FAM171A1: variants seen among roughly 807,000 people sequenced by gnomAD.
The protein encoded by FAM171A1 is protein FAM171A1.
FAM171A1 carries 23 observed loss-of-function variants against 74.9 expected under a neutral mutation model. The observed-to-expected ratio is 0.31, with a 90% confidence interval of 0.22 to 0.44. The LOEUF is 0.44. FAM171A1 is among the 20% of genes least tolerant of loss of function. FAM171A1 has a pLI of 1.00. For missense variants in FAM171A1, 1,162 were observed against 1,159.2 expected, an observed-to-expected ratio of 1.00 and a Z score of -0.03; for synonymous variants, 527 against 505.7, an observed-to-expected ratio of 1.04 and a Z score of -0.57.
chr10:15,344,506 T>A (rs1301325396), intron 1 of FAM171A1, among the ~76,000 whole-genome samples: 1 of 152,172 alleles, frequency 6.6e-6, no homozygotes, highest in Non-Finnish European at 1.5e-5. Flanking sequence ...AACTGCACCA[T>A]TGCACTCCAG....
chr10:15,354,483 G>A (rs1032733095), intron 1 of FAM171A1, among the ~76,000 whole-genome samples: 5 of 151,768 alleles, frequency 3.3e-5, no homozygotes, highest in African/African-American at 7.3e-5. Flanking sequence ...GTGACAGAGC[G>A]AGACCCTGTC....
At position 15,252,246 on chromosome 10, in the gene FAM171A1, C is replaced by T. The variant is rs115376361; in HGVS notation, c.577+2475G>A. ...GAGCTAGAAAGAGAAGATGCTTCTC[C>T]ACTTACTTACAACTCTGGATCCACC... On this transcript the variant is annotated intron_variant, in intron 4 of 7. Transcript: ENST00000378116. Among the ~76,000 whole-genome samples, 751 of 152,268 alleles carry T rather than the reference C, an allele frequency of 4.9e-3. 6 individuals are homozygous for T. The highest frequency in any genetic ancestry group is 0.018 in the African/African-American group (729 of 41,536).
chr10:15,233,226 C>T (rs1288567065), intron 5 of FAM171A1, among the ~76,000 whole-genome samples: 5 of 152,002 alleles, frequency 3.3e-5, no homozygotes, highest in South Asian at 2.1e-4. Context: ...ACCCGGGAGG[C>T]GGAGCTTGCA....
chr10:15,261,058 T>G (rs1004178025), intron 3 of FAM171A1, among the ~76,000 whole-genome samples: 8 of 152,250 alleles, frequency 5.3e-5, no homozygotes, highest in Non-Finnish European at 1.0e-4. Context: ...TCTCTCTTTG[T>G]CTCTTTCTGT....
At chr10:15,307,173 T>C (rs562042846) in intron 1 of FAM171A1, among the ~76,000 whole-genome samples, 36 of 152,296 alleles carry the variant, frequency 2.4e-4, no homozygotes, top group African/African-American at 8.7e-4. Flanking sequence ...TTCAGAAAGT[T>C]GGAATCTGCA....
intron 3 of FAM171A1, among the ~76,000 whole-genome samples, chr10:15,272,688 T>A (rs1445162363): frequency 6.6e-6 from 1 of 152,048 alleles, no homozygotes; most frequent in Non-Finnish European, 1.5e-5. Flanking sequence ...TTATAACAAA[T>A]TGTCTCTCAG....
At position 15,371,117 on chromosome 10, in the gene FAM171A1, G is replaced by T; in HGVS notation, c.-65C>A. ...GCGGGCCGGGCGGCGGCGCGTCACG[G>T]GCGGCCGGGCGCCGCGCCCCCCTCC... On this transcript the variant is annotated 5_prime_UTR_variant, in exon 1 of 8. Coordinates refer to ENST00000378116, the MANE Select transcript of FAM171A1 (RefSeq NM_001010924.2). 1.4e-6 allele frequency: 1 copy of T among 706,998 alleles called. No individual in the cohort carries two copies. Among genetic ancestry groups the T allele is most frequent in the Non-Finnish European group, 1.7e-6 (1 of 579,236 alleles). 43.8% of individuals were successfully genotyped at this position (706,998 alleles called of 1,614,324 possible).
Position 15,319,538 on chromosome 10 carries a change from T to G in FAM171A1, c.98-35433A>C, listed in dbSNP as rs1273156405. 2.6e-5 allele frequency among the ~76,000 whole-genome samples: 4 copies of G among 152,194 alleles called. No individual in the cohort carries two copies. In the South Asian group the frequency reaches 6.2e-4, roughly 24 times the overall value. ...ACCTCCACATCCCAGGTTCAAGTGATTCTCATGTCTCAACCTCCTGAGTAG... is the reference window on the plus strand; with the variant it reads ...ACCTCCACATCCCAGGTTCAAGTGAGTCTCATGTCTCAACCTCCTGAGTAG... On this transcript the variant is annotated intron_variant, in intron 1 of 7. Coordinates refer to ENST00000378116, the MANE Select transcript of FAM171A1 (RefSeq NM_001010924.2).
intron 1 of FAM171A1, among the ~76,000 whole-genome samples, chr10:15,297,780 T>C (rs1390832567): frequency 1.3e-5 from 2 of 152,218 alleles, no homozygotes; most frequent in African/African-American, 2.4e-5. Flanking sequence ...AAGAATCCTG[T>C]TACCCTAATA....
At chr10:15,232,838 G>A (rs1362151410) in intron 5 of FAM171A1, among the ~76,000 whole-genome samples, 3 of 152,208 alleles carry the variant, frequency 2.0e-5, no homozygotes, top group Non-Finnish European at 4.4e-5. Flanking sequence ...TGTCCCATGA[G>A]TGTGGGAAAC....
intron 5 of FAM171A1, among the ~76,000 whole-genome samples, chr10:15,245,379 T>C (rs1834419397): frequency 6.6e-6 from 1 of 152,218 alleles, no homozygotes; most frequent in Admixed American, 6.5e-5. Context: ...ATCTGTTGAC[T>C]TTGAGTGAAG....
intron 1 of FAM171A1, among the ~76,000 whole-genome samples, chr10:15,309,855 A>G (rs886555418): frequency 6.6e-6 from 1 of 152,258 alleles, no homozygotes; most frequent in Non-Finnish European, 1.5e-5. Context: ...TAAACACAGC[A>G]AACTTTCAGT....
At chr10:15,234,033 G>A (rs1209822510) in intron 5 of FAM171A1, among the ~76,000 whole-genome samples, 1 of 151,986 alleles carries the variant, frequency 6.6e-6, no homozygotes, top group Non-Finnish European at 1.5e-5. Context: ...TCATATTTGA[G>A]GCCAGAAGCA....
chr10:15,301,106 C>CT (rs1485307203), intron 1 of FAM171A1, among the ~76,000 whole-genome samples: 1 of 152,126 alleles, frequency 6.6e-6, no homozygotes, highest in Non-Finnish European at 1.5e-5. Context: ...CCATGGGTCT[C>CT]TTAAGTACTT....
In FAM171A1 at chr10:15,324,218, A is replaced by T. The variant is rs562298948; in HGVS notation, c.98-40113T>A. Among the ~76,000 whole-genome samples the T allele has an allele frequency of 2.0e-5, 3 of 152,254 alleles. No individual in the cohort carries two copies. The South Asian group carries it at 6.2e-4, about 32-fold the overall frequency. Reference sequence around the variant, plus strand: ...TAACACCAAGACATCTACTTGCTGCATGCGCAACTGAGACCCAACTTCCTT... The same window carrying T: ...TAACACCAAGACATCTACTTGCTGCTTGCGCAACTGAGACCCAACTTCCTT... On this transcript the variant is annotated intron_variant, in intron 1 of 7. Coordinates refer to ENST00000378116, the MANE Select transcript of FAM171A1 (RefSeq NM_001010924.2).
chr10:15,228,054 G>T (rs1357446578), intron 5 of FAM171A1, among the ~76,000 whole-genome samples: 1 of 152,000 alleles, frequency 6.6e-6, no homozygotes, highest in Non-Finnish European at 1.5e-5. Context: ...AAAGAGAAAA[G>T]AACTCTAAAG....
rs1228255461 is a variant in FAM171A1, at chr10:15,213,153, G to A, written c.2435C>T (p.Ala812Val). 26 of 1,614,010 alleles carry A rather than the reference G, an allele frequency of 1.6e-5. No homozygotes were observed. In the Middle Eastern group the frequency reaches 8.2e-4, roughly 51 times the overall value. Residue 812 changes from alanine to valine, a missense_variant, in exon 8 of 8, where the codon GCC becomes GTC. Ala to Val is a moderately conservative substitution (Grantham distance 64). Coordinates refer to ENST00000378116, the MANE Select transcript of FAM171A1 (RefSeq NM_001010924.2). This position sits in a 1 kb window ranked among gnomAD's most constrained non-coding sequence, Gnocchi z 6.8. The part of the protein sequence containing the change: ...GTTVCTPEDS[A>V]LRCLLEGSSR... ...CGACCCCTCCAACAAGCATCGCAGG[G>A]CACTGTCCTCGGGGGTACAGACCGT...
At chr10:15,332,116 C>T (rs1835646567) in intron 1 of FAM171A1, among the ~76,000 whole-genome samples, 1 of 151,376 alleles carries the variant, frequency 6.6e-6, no homozygotes, top group Non-Finnish European at 1.5e-5. Context: ...CCATGCCCAG[C>T]TAATTTTTTG....
intron 3 of FAM171A1, among the ~76,000 whole-genome samples, chr10:15,258,455 G>A (rs374926714): frequency 3.0e-4 from 46 of 152,016 alleles, no homozygotes; most frequent in Non-Finnish European, 4.4e-4. Context: ...TTTTGCCTTC[G>A]TCAGCAATCT....
Sources: gnomAD v4.1 joint callset for allele counts (sites outside exome capture counted in the v4.1 genomes callset) on GRCh38, gnomAD v4.1.1 for gene constraint, Gnocchi (gnomAD v3.1) non-coding constraint, MANE v1.5 for transcripts, NCBI Gene and HGNC (gene_info 2026-07-23, HGNC 2026-07-21) for gene names.